The following MYT1L variants were observed in gnomAD, a reference collection of about 807,000 sequenced individuals.
The protein encoded by MYT1L is myelin transcription factor 1-like protein.
A neutral mutation model predicts 126.7 loss-of-function variants in MYT1L; 12 were observed. The observed-to-expected ratio is 0.09, with a 90% CI of 0.06 to 0.15. The LOEUF (loss-of-function observed/expected upper bound fraction) is 0.15. Among genes scored for constraint, MYT1L ranks in the 10% least tolerant of loss-of-function variants. The pLI is 1.00. For synonymous variants in MYT1L, 541 were observed against 604.2 expected, an observed-to-expected ratio of 0.90 and a Z score of 1.53; for missense variants, 979 against 1,585.2, an observed-to-expected ratio of 0.62 and a Z score of 6.49.
chr2:2,099,558 T>C (rs1468679749), intron 3 of MYT1L, among the ~76,000 whole-genome samples: 1 of 152,130 alleles, frequency 6.6e-6, no homozygotes, highest in African/African-American at 2.4e-5. Flanking sequence ...ACCACACTTA[T>C]TTACATTGGG....
At position 1,953,593 on chromosome 2, in the gene MYT1L, T is replaced by TA. The variant is rs749682348; in HGVS notation, c.153-10260dup. On this transcript the variant is annotated intron_variant, in intron 8 of 24. Coordinates refer to ENST00000647738, the MANE Select transcript of MYT1L (RefSeq NM_001303052.2). ...TTGCTCTTGATTTTCCATGTGTGCTTATCTTATTGTCTCAATTTAGCTGTT... is the reference window on the plus strand; with the variant it reads ...TTGCTCTTGATTTTCCATGTGTGCTTAATCTTATTGTCTCAATTTAGCTGTT... Among the ~76,000 whole-genome samples the TA allele has an allele frequency of 3.9e-5, 6 of 152,358 alleles. No homozygotes were observed. In the East Asian group the frequency reaches 9.6e-4, roughly 24 times the overall value.
chr2:1,922,280 T>C lies in MYT1L; in HGVS notation c.1483+6A>G. ...TGAGGCAACTTACGTTAGGTAGAAA[T>C]ATTACCTTTACCATAGTATGGCTTT... On this transcript the variant is annotated splice_donor_region_variant and intron_variant, in intron 10 of 24. Transcript: ENST00000647738. The surrounding 1 kb of genome is among the most constrained non-coding windows in gnomAD (Gnocchi z 7.4). 1 of 1,611,422 alleles carries C rather than the reference T, an allele frequency of 6.2e-7. No individual in the cohort carries two copies. Among genetic ancestry groups the C allele is most frequent in the East Asian group, 2.2e-5 (1 of 44,800 alleles).
In MYT1L at chr2:1,912,866, T is replaced by C. The variant is rs554377433; in HGVS notation, c.1619-756A>G. Among the ~76,000 whole-genome samples the C allele has an allele frequency of 1.6e-3, 240 of 152,270 alleles. No individual in the cohort carries two copies. Among genetic ancestry groups the C allele is most frequent in the Non-Finnish European group, 2.5e-3 (168 of 68,032 alleles). The stretch of plus-strand genomic sequence containing the variant: ...AGTGGTGTTGGACCTGAATTATTTG[T>C]GTCTTCCTTCTTTTCTGGTCCTTCA... On this transcript the variant is annotated intron_variant, in intron 11 of 24. Coordinates refer to ENST00000647738, the MANE Select transcript of MYT1L (RefSeq NM_001303052.2). This position sits in a 1 kb window ranked among gnomAD's most constrained non-coding sequence, Gnocchi z 4.3.
chr2:2,066,602 A>G, intron 3 of MYT1L, among the ~76,000 whole-genome samples: 1 of 152,250 alleles, frequency 6.6e-6, no homozygotes, highest in East Asian at 1.9e-4. Flanking sequence ...CTATGGGGGC[A>G]ATGCCAAGAA....
At chr2:1,796,223 A>C (rs955327002) in intron 23 of MYT1L, among the ~76,000 whole-genome samples, 2 of 152,164 alleles carry the variant, frequency 1.3e-5, no homozygotes, top group Non-Finnish European at 2.9e-5. Context: ...CTTTATAGAA[A>C]ATGTTTGCCA....
At chr2:2,311,605 C>T (rs1164519246) in intron 1 of MYT1L, among the ~76,000 whole-genome samples, 1 of 152,172 alleles carries the variant, frequency 6.6e-6, no homozygotes, top group Non-Finnish European at 1.5e-5. Context: ...TCCGTGTGAA[C>T]AGGAGTGTTG....
intron 2 of MYT1L, among the ~76,000 whole-genome samples, chr2:2,229,543 G>C (rs2094109521): frequency 6.6e-6 from 1 of 151,952 alleles, no homozygotes; most frequent in Non-Finnish European, 1.5e-5. Flanking sequence ...CTGGGTTCAA[G>C]TGATCCTCCC....
At chr2:1,891,154 CG>C in intron 15 of MYT1L, among the ~76,000 whole-genome samples, 1 of 152,266 alleles carries the variant, frequency 6.6e-6, no homozygotes, top group East Asian at 1.9e-4. Context: ...ATTTGCAAAA[CG>C]TAAGATTACT....
At chr2:1,977,659 C>T (rs1378160110) in intron 8 of MYT1L, among the ~76,000 whole-genome samples, 1 of 152,134 alleles carries the variant, frequency 6.6e-6, no homozygotes, top group African/African-American at 2.4e-5. Flanking sequence ...GTATATACAC[C>T]TACTATGTAC....
intron 2 of MYT1L, among the ~76,000 whole-genome samples, chr2:2,281,247 T>C (rs899921777): frequency 6.6e-6 from 1 of 152,322 alleles, no homozygotes; most frequent in East Asian, 1.9e-4. Context: ...CCTTCTGCCG[T>C]GATTGCAAGT....
intron 2 of MYT1L, among the ~76,000 whole-genome samples, chr2:2,265,481 A>T (rs910011586): frequency 6.6e-6 from 1 of 152,122 alleles, no homozygotes; most frequent in Admixed American, 6.5e-5. Context: ...GAGCTCAAAG[A>T]GCTGCAGCCA....
At chr2:2,171,625 C>T (rs1052176392) in intron 3 of MYT1L, among the ~76,000 whole-genome samples, 61 of 152,000 alleles carry the variant, frequency 4.0e-4, no homozygotes, top group African/African-American at 1.3e-3. Flanking sequence ...TTGTCGTCGT[C>T]GTTGTTGTTG....
intron 3 of MYT1L, among the ~76,000 whole-genome samples, chr2:2,093,604 G>A (rs1350888323): frequency 1.3e-5 from 2 of 152,112 alleles, no homozygotes; most frequent in East Asian, 1.9e-4. Context: ...CTTGTCAGAT[G>A]AGTAGATTGC....
intron 21 of MYT1L, among the ~76,000 whole-genome samples, chr2:1,815,769 A>G (rs2037531441): frequency 6.6e-6 from 1 of 152,212 alleles, no homozygotes; most frequent in Non-Finnish European, 1.5e-5. Flanking sequence ...TGCCTGGCCC[A>G]TCTCTCCTTT....
intron 2 of MYT1L, among the ~76,000 whole-genome samples, chr2:2,246,276 A>C (rs2094533833): frequency 1.3e-5 from 2 of 152,206 alleles, no homozygotes. Context: ...CGCCTGCCAC[A>C]AAAGAGTCAG....
chr2:1,899,213 TTG>T (rs1307483774), intron 14 of MYT1L, among the ~76,000 whole-genome samples: 2 of 152,198 alleles, frequency 1.3e-5, no homozygotes, highest in African/African-American at 4.8e-5. Flanking sequence ...AACTGCGCGA[TTG>T]TTTTTGTGGC....
chr2:1,864,549 C>G (rs955044859), intron 18 of MYT1L, among the ~76,000 whole-genome samples: 1 of 152,196 alleles, frequency 6.6e-6, no homozygotes, highest in East Asian at 1.9e-4. Flanking sequence ...CTGGCCCTGT[C>G]CCCCAGTCGC....
At chr2:2,239,344 G>A (rs141615444) in intron 2 of MYT1L, among the ~76,000 whole-genome samples, 57 of 152,350 alleles carry the variant, frequency 3.7e-4, no homozygotes, top group African/African-American at 1.3e-3. Context: ...CCTCATGAAC[G>A]TTTTTACAGA....
intron 3 of MYT1L, among the ~76,000 whole-genome samples, chr2:2,155,899 G>A (rs928602815): frequency 6.6e-6 from 1 of 152,070 alleles, no homozygotes; most frequent in Non-Finnish European, 1.5e-5. Flanking sequence ...TGCTGTGTGT[G>A]CAACTCCAAC....
Sources: gnomAD v4.1 joint callset for allele counts (sites outside exome capture counted in the v4.1 genomes callset) on GRCh38, gnomAD v4.1.1 for gene constraint, Gnocchi (gnomAD v3.1) non-coding constraint, MANE v1.5 for transcripts, NCBI Gene and HGNC (gene_info 2026-07-23, HGNC 2026-07-21) for gene names.